The following CNTNAP4 variants were observed in gnomAD, a reference collection of about 807,000 sequenced individuals.
CNTNAP4 encodes the protein contactin-associated protein-like 4.
CNTNAP4 carries 98 observed loss-of-function variants against 148.4 expected under a neutral mutation model. That is an observed-to-expected ratio of 0.66 (90% CI 0.56 to 0.78). The LOEUF is 0.78. Ranked by LOEUF, CNTNAP4 falls within the 30% of genes least tolerant of loss-of-function variation. The pLI is 0.00. For missense variants in CNTNAP4, 1,935 were observed against 1,565.6 expected (o/e 1.24, Z -3.98); for synonymous variants, 730 against 565.1 (o/e 1.29, Z -4.14).
At chr16:76,460,774 ATAT>A (rs1254761534) in intron 8 of CNTNAP4, among the ~76,000 whole-genome samples, 5,667 of 52,204 alleles carry the variant, frequency 0.11, 798 homozygotes, top group Non-Finnish European at 0.15. Context: ...AAAAAAAAAA[ATAT>A]ATATATATAT....
chr16:76,316,586 G>T, intron 2 of CNTNAP4, 63 bp downstream of exon 2: 1 of 1,048,798 alleles, frequency 9.5e-7, no homozygotes, highest in Non-Finnish European at 1.5e-6. Flanking sequence ...CATTATCTTT[G>T]CATACAGTCA....
chr16:76,333,344 T>A (rs565393336), intron 2 of CNTNAP4, among the ~76,000 whole-genome samples: 126 of 152,356 alleles, frequency 8.3e-4, no homozygotes, highest in African/African-American at 2.8e-3. Context: ...CACTGAATAT[T>A]TCTTCTCTCT....
At chr16:76,281,345 C>G (rs1213175878) in intron 1 of CNTNAP4, among the ~76,000 whole-genome samples, 1 of 152,070 alleles carries the variant, frequency 6.6e-6, no homozygotes, top group Non-Finnish European at 1.5e-5. Flanking sequence ...TAAAGATCAG[C>G]ACGTACTTTG....
intron 3 of CNTNAP4, among the ~76,000 whole-genome samples, chr16:76,368,582 A>G (rs941276097): frequency 1.2e-4 from 19 of 152,134 alleles, no homozygotes; most frequent in Non-Finnish European, 2.8e-4. Context: ...ACAGAAAACC[A>G]AATACAGCAT....
chr16:76,512,710 TAAC>T (rs2083074865), intron 15 of CNTNAP4, among the ~76,000 whole-genome samples: 1 of 151,942 alleles, frequency 6.6e-6, no homozygotes. Flanking sequence ...GATGAAGAAA[TAAC>T]AACAGGGCTT....
At chr16:76,490,155 GCCTCCTT>G (rs2082161665) in intron 13 of CNTNAP4, among the ~76,000 whole-genome samples, 1 of 152,174 alleles carries the variant, frequency 6.6e-6, no homozygotes, top group Non-Finnish European at 1.5e-5. Flanking sequence ...TACAGCAAAG[GCCTCCTT>G]CTGATACTCA....
chr16:76,373,572 G>T (rs2015089911), intron 3 of CNTNAP4, among the ~76,000 whole-genome samples: 1 of 152,102 alleles, frequency 6.6e-6, no homozygotes, highest in Non-Finnish European at 1.5e-5. Flanking sequence ...TAGGACATTT[G>T]TCCAGAAGTA....
At chr16:76,392,522 A>G (rs1237382069) in intron 3 of CNTNAP4, among the ~76,000 whole-genome samples, 7 of 152,170 alleles carry the variant, frequency 4.6e-5, no homozygotes, top group African/African-American at 1.7e-4. Context: ...TCAAGAAGAC[A>G]ATGTAAGACT....
At chr16:76,493,316 G>A (rs569818182) in intron 13 of CNTNAP4, among the ~76,000 whole-genome samples, 1 of 152,126 alleles carries the variant, frequency 6.6e-6, no homozygotes, top group African/African-American at 2.4e-5. Flanking sequence ...CTGCTGCTGA[G>A]GATCTGTGAC....
intron 3 of CNTNAP4, among the ~76,000 whole-genome samples, chr16:76,389,306 C>T (rs575497532): frequency 6.6e-6 from 1 of 152,300 alleles, no homozygotes; most frequent in South Asian, 2.1e-4. Flanking sequence ...ACTAAGGCAT[C>T]TTAGTCTGTT....
At chr16:76,471,831 C>A (rs569430931) in intron 10 of CNTNAP4, among the ~76,000 whole-genome samples, 1 of 152,168 alleles carries the variant, frequency 6.6e-6, no homozygotes, top group Admixed American at 6.5e-5. Context: ...CAAAGTTTTG[C>A]GGAAGAATGT....
chr16:76,558,228 A>C (rs2085275866), intron 23 of CNTNAP4: 1 of 335,250 alleles, frequency 3.0e-6, no homozygotes, highest in Non-Finnish European at 5.4e-6. Context: ...TGTGTTAAAT[A>C]TAAATGCACC....
chr16:76,285,038 A>G (rs1490918507), intron 1 of CNTNAP4, among the ~76,000 whole-genome samples: 1 of 152,062 alleles, frequency 6.6e-6, no homozygotes, highest in Non-Finnish European at 1.5e-5. Flanking sequence ...AGTTAGTGAA[A>G]AACTACAGAA....
chr16:76,464,218 G>C (rs1240535324), intron 9 of CNTNAP4, among the ~76,000 whole-genome samples: 1 of 152,134 alleles, frequency 6.6e-6, no homozygotes, highest in Admixed American at 6.5e-5. Flanking sequence ...TCTGGATCCT[G>C]GGAGTGAACT....
intron 15 of CNTNAP4, among the ~76,000 whole-genome samples, chr16:76,507,936 C>A (rs1186694944): frequency 4.1e-5 from 4 of 97,306 alleles, no homozygotes; most frequent in African/African-American, 1.0e-4. Context: ...TTTACCAAAC[C>A]CTTTCACACT....
At chr16:76,452,199 C>T (rs570245176) in intron 7 of CNTNAP4, among the ~76,000 whole-genome samples, 3 of 152,134 alleles carry the variant, frequency 2.0e-5, no homozygotes, top group South Asian at 4.2e-4. Flanking sequence ...TCACTTTTCA[C>T]AGATTCATAA....
chr16:76,418,127 C>G (rs1169597076), intron 3 of CNTNAP4, among the ~76,000 whole-genome samples: 2 of 151,384 alleles, frequency 1.3e-5, no homozygotes, highest in African/African-American at 2.4e-5. Flanking sequence ...TCTGAGTTTC[C>G]TGGATCTACA....
At chr16:76,395,406 C>T (rs2078165507) in intron 3 of CNTNAP4, among the ~76,000 whole-genome samples, 1 of 151,954 alleles carries the variant, frequency 6.6e-6, no homozygotes, top group South Asian at 2.1e-4. Context: ...GCTGGGATTA[C>T]AGGCACGTGC....
chr16:76,456,529 TA>T (rs1454348724), intron 8 of CNTNAP4, among the ~76,000 whole-genome samples: 1 of 152,192 alleles, frequency 6.6e-6, no homozygotes, highest in Non-Finnish European at 1.5e-5. Flanking sequence ...GACAAGTTTA[TA>T]AGTAGTCATG....
Sources: allele counts gnomAD v4.1 joint callset (sites outside exome capture counted in the v4.1 genomes callset), GRCh38; gene constraint gnomAD v4.1.1; transcripts MANE v1.5; gene names NCBI Gene and HGNC (gene_info 2026-07-23, HGNC 2026-07-21).